Variants in BTBD16 observed in about 807,000 individuals in gnomAD.
BTBD16 encodes BTB domain containing 16, also known as BTB/POZ domain-containing protein 16.
BTBD16 carries 66 observed loss-of-function variants against 67.4 expected under a neutral mutation model. The ratio of observed to expected loss-of-function variants is 0.98; its 90% confidence interval spans 0.80 to 1.20. The LOEUF is 1.20. BTBD16 is among the 50% of genes most tolerant of loss of function. The pLI, the probability that BTBD16 is intolerant of heterozygous loss-of-function variation, is 0.00. For missense variants in BTBD16, 634 were observed against 616.0 expected (o/e 1.03, Z -0.31); for synonymous variants, 242 against 236.4 (o/e 1.02, Z -0.22).
At chr10:122,312,343 C>T (rs1263550819) in intron 10 of BTBD16, among the ~76,000 whole-genome samples, 12 of 123,354 alleles carry the variant, frequency 9.7e-5, no homozygotes, top group African/African-American at 1.9e-4. Context: ...GAGACAGTCT[C>T]GCTCTGTCTC....
chr10:122,314,969 G>T (rs1327431180), intron 10 of BTBD16, among the ~76,000 whole-genome samples: 1 of 151,996 alleles, frequency 6.6e-6, no homozygotes, highest in Non-Finnish European at 1.5e-5. Flanking sequence ...CAGTCTCAAG[G>T]AAAAAGCTTT....
chr10:122,313,226 T>C (rs2096417300), intron 10 of BTBD16, among the ~76,000 whole-genome samples: 1 of 151,050 alleles, frequency 6.6e-6, no homozygotes, highest in Admixed American at 6.6e-5. Context: ...GGCATTATAA[T>C]CTATCAAGCC....
At chr10:122,331,816 A>G (rs528471297) in intron 12 of BTBD16, among the ~76,000 whole-genome samples, 1 of 152,164 alleles carries the variant, frequency 6.6e-6, no homozygotes, top group African/African-American at 2.4e-5. Flanking sequence ...TTAAAATTCA[A>G]TCCTGCTCAA....
At chr10:122,301,896 G>T (rs934787036) in intron 9 of BTBD16, among the ~76,000 whole-genome samples, 1 of 152,212 alleles carries the variant, frequency 6.6e-6, no homozygotes, top group Non-Finnish European at 1.5e-5. Flanking sequence ...GTCTTGCCCT[G>T]TGTGCTGCAC....
At chr10:122,289,784 CAAAT>C (rs916816054) in intron 5 of BTBD16, 121 bp from the exon 6 acceptor site, 21 of 566,684 alleles carry the variant, frequency 3.7e-5, no homozygotes, top group South Asian at 8.1e-5. Flanking sequence ...ATCTATGAAA[CAAAT>C]AAAATATAGT....
At chr10:122,282,172 G>A (rs903785055) in intron 3 of BTBD16, among the ~76,000 whole-genome samples, 1 of 152,212 alleles carries the variant, frequency 6.6e-6, no homozygotes, top group African/African-American at 2.4e-5. Flanking sequence ...GAGTAGTTGA[G>A]TTCATGGACC....
At chr10:122,303,670 A>T in intron 9 of BTBD16, 1 of 892,826 alleles carries the variant, frequency 1.1e-6, no homozygotes, top group Non-Finnish European at 1.3e-6. Flanking sequence ...AATAGAGGAC[A>T]GTGTCTTATG....
At chr10:122,282,331 T>C (rs952278111) in intron 3 of BTBD16, among the ~76,000 whole-genome samples, 3 of 152,138 alleles carry the variant, frequency 2.0e-5, no homozygotes, top group Admixed American at 6.5e-5. Context: ...TCTCCACTGC[T>C]CCTGTTGAAT....
At chr10:122,317,243 C>CTAT (rs1447195714) in intron 10 of BTBD16, among the ~76,000 whole-genome samples, 4 of 152,198 alleles carry the variant, frequency 2.6e-5, no homozygotes, top group African/African-American at 9.7e-5. Context: ...AAAACACAAA[C>CTAT]ACGTTATACA....
chr10:122,313,325 T>C (rs1041644693), intron 10 of BTBD16, among the ~76,000 whole-genome samples: 1 of 149,604 alleles, frequency 6.7e-6, no homozygotes, highest in African/African-American at 2.5e-5. Context: ...AGTGTAATGG[T>C]GCGATCTCAG....
intron 14 of BTBD16, 42 bp from the exon 15 acceptor site, chr10:122,336,452 C>T (rs1355125054): frequency 1.3e-6 from 2 of 1,536,628 alleles, no homozygotes; most frequent in Non-Finnish European, 8.8e-7. Context: ...TCTGGGCCAC[C>T]CCGATTGCAG....
chr10:122,307,166 C>T, intron 9 of BTBD16, 23 bp from the exon 10 acceptor site: 1 of 1,571,600 alleles, frequency 6.4e-7, no homozygotes, highest in Non-Finnish European at 8.6e-7. Context: ...GAAATTTCTT[C>T]TCAATCTTTT....
At chr10:122,286,402 T>A in intron 5 of BTBD16, 154 bp downstream of exon 5, 1 of 756,576 alleles carries the variant, frequency 1.3e-6, no homozygotes, top group Non-Finnish European at 1.6e-6. Context: ...CAGCCTCAGT[T>A]TCCTCAAGTG....
At chr10:122,277,763 A>G (rs1177749951) in intron 3 of BTBD16, among the ~76,000 whole-genome samples, 1 of 152,190 alleles carries the variant, frequency 6.6e-6, no homozygotes, top group Non-Finnish European at 1.5e-5. Flanking sequence ...ATCTGCCCTT[A>G]TGACCAAAAT....
intron 10 of BTBD16, among the ~76,000 whole-genome samples, chr10:122,324,652 G>T (rs1296792303): frequency 6.6e-6 from 1 of 152,188 alleles, no homozygotes; most frequent in Non-Finnish European, 1.5e-5. Flanking sequence ...TCTGGGTCAA[G>T]AGGATTTCTC....
chr10:122,328,126 A>T (rs1477039704), intron 10 of BTBD16, among the ~76,000 whole-genome samples: 1 of 152,172 alleles, frequency 6.6e-6, no homozygotes, highest in African/African-American at 2.4e-5. Flanking sequence ...CATGATGAAA[A>T]ATAGGCAGAA....
chr10:122,302,659 C>T (rs1317191183), intron 9 of BTBD16, among the ~76,000 whole-genome samples: 2 of 152,250 alleles, frequency 1.3e-5, no homozygotes, highest in African/African-American at 4.8e-5. Flanking sequence ...CACCCCTGGG[C>T]ACCCATCTCA....
intron 10 of BTBD16, among the ~76,000 whole-genome samples, chr10:122,329,091 C>T (rs551082772): frequency 6.6e-6 from 1 of 152,302 alleles, no homozygotes; most frequent in East Asian, 1.9e-4. Flanking sequence ...TAAAATGGAG[C>T]TCACTATCCT....
At chr10:122,313,052 A>G (rs1239586016) in intron 10 of BTBD16, among the ~76,000 whole-genome samples, 2 of 149,898 alleles carry the variant, frequency 1.3e-5, no homozygotes, top group Non-Finnish European at 3.0e-5. Flanking sequence ...AATTTTTTGT[A>G]TTTTTAGTAG....
Sources: gnomAD v4.1 joint callset for allele counts (sites outside exome capture counted in the v4.1 genomes callset) on GRCh38, gnomAD v4.1.1 for gene constraint, MANE v1.5 for transcripts, NCBI Gene and HGNC (gene_info 2026-07-23, HGNC 2026-07-21) for gene names.